PTPRD: variants seen among roughly 807,000 people sequenced by gnomAD.
PTPRD encodes the protein receptor-type tyrosine-protein phosphatase delta.
In PTPRD, 34 loss-of-function variants were observed where a neutral mutation model predicts 214.5. That is an observed-to-expected ratio of 0.16 (90% CI 0.12 to 0.21). The LOEUF is 0.21. Ranked by LOEUF, PTPRD falls within the 10% of genes least tolerant of loss-of-function variation. PTPRD has a pLI of 1.00. For synonymous variants in PTPRD, 1,128 were observed against 845.7 expected (o/e 1.33, Z -5.79); for missense variants, 2,545 against 2,398.7 (o/e 1.06, Z -1.27).
chr9:9,143,485 T>G (rs557815414), intron 10 of PTPRD, among the ~76,000 whole-genome samples: 7 of 152,320 alleles, frequency 4.6e-5, no homozygotes, highest in African/African-American at 1.7e-4. Flanking sequence ...GATCAGGCAT[T>G]GAAAGGGAGC....
intron 10 of PTPRD, among the ~76,000 whole-genome samples, chr9:9,068,762 T>C (rs1435895361): frequency 3.9e-5 from 6 of 151,944 alleles, no homozygotes; most frequent in Admixed American, 2.0e-4. Context: ...CAGGCGCGTG[T>C]CACCATACCT....
In PTPRD at chr9:10,231,981, A is replaced by T. The variant is rs865796522; in HGVS notation, c.-545+108982T>A. On this transcript the variant is annotated intron_variant, in intron 3 of 45. Coordinates refer to ENST00000381196, the MANE Select transcript of PTPRD (RefSeq NM_002839.4). ...TAGAGAGAGAGAGAGAGAGAGAGAG[A>T]GAGAGAGAGTGTGTGTGTGTGTGTG... 4.6e-3 allele frequency among the ~76,000 whole-genome samples: 474 copies of T among 102,378 alleles called. 2 individuals are homozygous for T. The highest frequency in any genetic ancestry group is 0.017 in the Admixed American group (141 of 8,516). The allele number at this position is 102,378 out of a possible 152,430, so 67.2% of individuals were successfully genotyped here. A position where few individuals can be genotyped will look rare whatever the true frequency, so the allele number is the denominator to read the frequency against.
At chr9:8,550,084 G>T (rs73640926) in intron 14 of PTPRD, among the ~76,000 whole-genome samples, 1 of 152,000 alleles carries the variant, frequency 6.6e-6, no homozygotes, top group Non-Finnish European at 1.5e-5. Flanking sequence ...ACAAATAGAA[G>T]ACTTGTTTAG....
At chr9:9,566,077 A>AT (rs200794689) in intron 8 of PTPRD, among the ~76,000 whole-genome samples, 3,154 of 151,886 alleles carry the variant, frequency 0.021, 44 homozygotes, top group Admixed American at 0.027. Flanking sequence ...TTGCTTTTTT[A>AT]TTCCTGCACA....
intron 14 of PTPRD, among the ~76,000 whole-genome samples, chr9:8,531,438 T>C (rs148546768): frequency 2.0e-5 from 3 of 152,192 alleles, no homozygotes; most frequent in African/African-American, 7.2e-5. Flanking sequence ...TTATTAAATA[T>C]CTCACTTGGC....
chr9:8,402,826 C>T (rs1319127156), intron 36 of PTPRD, among the ~76,000 whole-genome samples: 1 of 151,716 alleles, frequency 6.6e-6, no homozygotes, highest in Non-Finnish European at 1.5e-5. Context: ...ATTATTATGC[C>T]TGATCTAGTA....
chr9:10,258,582 C>A (rs754196260), intron 3 of PTPRD, among the ~76,000 whole-genome samples: 1 of 152,136 alleles, frequency 6.6e-6, no homozygotes, highest in Non-Finnish European at 1.5e-5. Flanking sequence ...ATAATTTTAT[C>A]CACAATAGTG....
chr9:8,675,263 G>A (rs973781428), intron 12 of PTPRD, among the ~76,000 whole-genome samples: 6 of 152,018 alleles, frequency 3.9e-5, no homozygotes, highest in African/African-American at 9.7e-5. Context: ...TTCCTCAAGT[G>A]TGAGGGGTGG....
intron 6 of PTPRD, among the ~76,000 whole-genome samples, chr9:9,742,206 G>C (rs576019460): frequency 6.6e-6 from 1 of 152,266 alleles, no homozygotes; most frequent in Admixed American, 6.5e-5. Flanking sequence ...GTCTTCTTTT[G>C]AGAAGTGTCT....
chr9:8,733,966 G>C lies in PTPRD; in HGVS notation c.-103-20C>G. The C allele has an allele frequency of 1.0e-6, 1 of 972,168 alleles. No individual in the cohort carries two copies. The highest frequency in any genetic ancestry group is 1.6e-6 in the Non-Finnish European group (1 of 642,826). The allele number at this position is 972,168 out of a possible 1,614,324, so 60.2% of individuals were successfully genotyped here. ...CAGAGCCTGAAAGCGGGGAGGAAGA[G>C]AAAAGAAAAGGAAGAAAACACAAAA... On this transcript the variant is annotated intron_variant, in intron 11 of 45. Transcript: ENST00000381196.
chr9:9,801,031 T>C (rs2099036213), intron 5 of PTPRD, among the ~76,000 whole-genome samples: 1 of 152,142 alleles, frequency 6.6e-6, no homozygotes, highest in Admixed American at 6.6e-5. Context: ...AAATAGCTAC[T>C]CAACTGTTAT....
chr9:8,431,833 C>G (rs1237755856), intron 35 of PTPRD, among the ~76,000 whole-genome samples: 2 of 152,270 alleles, frequency 1.3e-5, no homozygotes, highest in East Asian at 3.9e-4. Flanking sequence ...CAGGATGATG[C>G]TGGCCTCATA....
rs75506750 is a variant in PTPRD, at chr9:8,622,111, C to T, written c.352+11206G>A. On this transcript the variant is annotated intron_variant, in intron 14 of 45. Coordinates refer to ENST00000381196, the MANE Select transcript of PTPRD (RefSeq NM_002839.4). ...ATCTCCACCTAGAGCAAAAAAGAAT[C>T]ATAAAAAATGATAAGTGCAGCAATA... is the stretch of plus-strand genomic sequence containing the variant. Among the ~76,000 whole-genome samples, 1,091 of 151,788 alleles carry T rather than the reference C, an allele frequency of 7.2e-3. 10 individuals carry two copies. The highest frequency in any genetic ancestry group is 0.025 in the African/African-American group (1,023 of 41,422).
intron 3 of PTPRD, among the ~76,000 whole-genome samples, chr9:10,124,745 G>T (rs762723491): frequency 4.6e-5 from 7 of 152,034 alleles, no homozygotes; most frequent in Non-Finnish European, 7.4e-5. Flanking sequence ...AGTTGCATGG[G>T]CTTTGAGCAC....
At position 8,338,963 on chromosome 9, in the gene PTPRD, G is replaced by A. The variant is rs747059417; in HGVS notation, c.5338C>T (p.Pro1780Ser). The change falls in exon 43 of 46, where the codon CCA becomes TCA. Residue 1780 changes from proline (P) to serine (S), a missense_variant. Pro to Ser is a moderately conservative substitution (Grantham distance 74, BLOSUM62 -1). Coordinates refer to ENST00000381196, the MANE Select transcript of PTPRD (RefSeq NM_002839.4). ...TTGAATTCCCTTAGGATATACTGTGGCATGTTGTACTCAGCCATGGGATCT... is the reference window on the plus strand; with the variant it reads ...TTGAATTCCCTTAGGATATACTGTGACATGTTGTACTCAGCCATGGGATCT... ...VVDPMAEYNMPQYILREFKVT... is the reference protein window; with the variant it reads ...VVDPMAEYNMSQYILREFKVT... 2 of 1,611,928 alleles carry A rather than the reference G, an allele frequency of 1.2e-6. No individual in the cohort carries two copies. The highest frequency in any genetic ancestry group is 2.2e-5 in the East Asian group (1 of 44,808).
intron 30 of PTPRD, among the ~76,000 whole-genome samples, chr9:8,482,724 T>C (rs2096913455): frequency 6.6e-6 from 1 of 152,238 alleles, no homozygotes; most frequent in Non-Finnish European, 1.5e-5. Flanking sequence ...CTTCTGGGTA[T>C]ACCCTTGGCT....
chr9:10,523,803 T>G (rs890972876), intron 2 of PTPRD, among the ~76,000 whole-genome samples: 21 of 151,582 alleles, frequency 1.4e-4, no homozygotes, highest in African/African-American at 5.1e-4. Flanking sequence ...TCAAACATAA[T>G]GCTGGTAATT....
chr9:10,128,712 T>C (rs557057946), intron 3 of PTPRD, among the ~76,000 whole-genome samples: 1 of 152,284 alleles, frequency 6.6e-6, no homozygotes, highest in Non-Finnish European at 1.5e-5. Context: ...ATACCGTCTT[T>C]AGGGACTCCC....
chr9:8,530,037 A>G (rs776671143), intron 14 of PTPRD, among the ~76,000 whole-genome samples: 16 of 152,074 alleles, frequency 1.1e-4, no homozygotes, highest in Non-Finnish European at 2.2e-4. Context: ...AGAACATTAG[A>G]TATCATCAGA....
Sources: allele counts gnomAD v4.1 joint callset (sites outside exome capture counted in the v4.1 genomes callset), GRCh38; gene constraint gnomAD v4.1.1; transcripts MANE v1.5; gene names NCBI Gene and HGNC (gene_info 2026-07-23, HGNC 2026-07-21).